Variants in ERBB4 observed in about 807,000 individuals in gnomAD.
The protein encoded by ERBB4 is erb-b2 receptor tyrosine kinase 4.
A neutral mutation model predicts 158.0 loss-of-function variants in ERBB4; 42 were observed. The observed-to-expected ratio is 0.27, with a 90% CI of 0.21 to 0.34. The LOEUF (loss-of-function observed/expected upper bound fraction) is 0.34, where lower values mean the gene tolerates loss of function less well. Among genes scored for constraint, ERBB4 ranks in the 10% least tolerant of loss-of-function variants. ERBB4 has a pLI of 1.00. For missense variants in ERBB4, 1,333 were observed against 1,624.1 expected, an observed-to-expected ratio of 0.82 and a Z score of 3.08; for synonymous variants, 583 against 558.7, an observed-to-expected ratio of 1.04 and a Z score of -0.61.
intron 1 of ERBB4, among the ~76,000 whole-genome samples, chr2:212,352,358 A>C (rs985468887): frequency 1.3e-5 from 2 of 152,168 alleles, no homozygotes; most frequent in African/African-American, 4.8e-5. Context: ...TTAGATTGAA[A>C]AAAACAAAGA....
At chr2:211,762,652 T>C (rs1389884974) in intron 4 of ERBB4, among the ~76,000 whole-genome samples, 8 of 152,184 alleles carry the variant, frequency 5.3e-5, no homozygotes. Flanking sequence ...TGAGGAACTG[T>C]AACCACCCAC....
At chr2:211,846,452 C>G (rs186867188) in intron 3 of ERBB4, among the ~76,000 whole-genome samples, 1 of 152,002 alleles carries the variant, frequency 6.6e-6, no homozygotes, top group Admixed American at 6.6e-5. Flanking sequence ...CTCTGTAAAC[C>G]ATCTGATCCC....
At position 211,517,829 on chromosome 2, in the gene ERBB4, G is replaced by A. The variant is rs191752748; in HGVS notation, c.2487+44074C>T. ...GTAAATAATGACACAAAATAGAGGA[G>A]GTAGATTTTATTTTTGATGTCTCCT... On this transcript the variant is annotated intron_variant, in intron 20 of 27. Transcript: ENST00000342788. Among the ~76,000 whole-genome samples the A allele has an allele frequency of 2.0e-5, 3 of 152,180 alleles. No homozygotes were observed. In the East Asian group the frequency reaches 5.8e-4, roughly 29 times the overall value.
At chr2:211,669,492 GTCTT>G (rs2071758566) in intron 14 of ERBB4, among the ~76,000 whole-genome samples, 1 of 152,016 alleles carries the variant, frequency 6.6e-6, no homozygotes, top group Non-Finnish European at 1.5e-5. Flanking sequence ...TCCCAGGCTT[GTCTT>G]TCTTCTCATA....
At chr2:211,623,040 T>G (rs1311140386) in intron 18 of ERBB4, among the ~76,000 whole-genome samples, 2 of 76,642 alleles carry the variant, frequency 2.6e-5, no homozygotes, top group East Asian at 4.7e-4. Flanking sequence ...TATATATATA[T>G]ATATAAAATG....
At chr2:212,516,041 G>A (rs1445161230) in intron 1 of ERBB4, among the ~76,000 whole-genome samples, 1 of 151,868 alleles carries the variant, frequency 6.6e-6, no homozygotes, top group African/African-American at 2.4e-5. Context: ...AAGAATTTCA[G>A]AAATTAAAAT....
Position 211,471,959 on chromosome 2 carries a change from G to A in ERBB4, c.2488-40859C>T, listed in dbSNP as rs993941896. Among the ~76,000 whole-genome samples, 3 of 152,106 alleles carry A rather than the reference G, an allele frequency of 2.0e-5. No homozygotes were observed. The East Asian group carries it at 5.8e-4, about 29-fold the overall frequency. On this transcript the variant is annotated intron_variant, in intron 20 of 27. Transcript: ENST00000342788. Reference sequence around the variant, plus strand: ...GAATTGAAGACCAGCCTGAGCAACAGAGTGAGACCCTGTCTCTTAAAAAAG... The same window carrying A: ...GAATTGAAGACCAGCCTGAGCAACAAAGTGAGACCCTGTCTCTTAAAAAAG...
intron 19 of ERBB4, among the ~76,000 whole-genome samples, chr2:211,588,548 T>C (rs1023680841): frequency 6.6e-6 from 1 of 152,178 alleles, no homozygotes. Flanking sequence ...CTATTGTAAC[T>C]ACATTTTATA....
At chr2:212,113,100 G>C (rs538270054) in intron 2 of ERBB4, among the ~76,000 whole-genome samples, 1 of 152,224 alleles carries the variant, frequency 6.6e-6, no homozygotes, top group Admixed American at 6.5e-5. Context: ...TGATGGTAAG[G>C]GTGGGGATGA....
chr2:211,856,577 C>G (rs187083637), intron 3 of ERBB4, among the ~76,000 whole-genome samples: 1 of 151,706 alleles, frequency 6.6e-6, no homozygotes, highest in African/African-American at 2.4e-5. Context: ...TCAGTAGAGA[C>G]GGGGTTTCAC....
chr2:212,112,538 A>AG (rs1461257168), intron 2 of ERBB4, among the ~76,000 whole-genome samples: 1 of 152,126 alleles, frequency 6.6e-6, no homozygotes, highest in East Asian at 1.9e-4. Flanking sequence ...GGTAAATAGT[A>AG]GGCAGCAGCA....
chr2:212,121,571 T>G lies in ERBB4; in HGVS notation c.234+3181A>C, dbSNP rs141079266. Among the ~76,000 whole-genome samples, 7 of 152,290 alleles carry G rather than the reference T, an allele frequency of 4.6e-5. No individual in the cohort carries two copies. The East Asian group carries it at 1.4e-3, about 29-fold the overall frequency. ...TCTTTTTAATCTCCATTGACTACCT[T>G]ATCCAATTACAAAATGTTAACTTGT... is the stretch of plus-strand genomic sequence containing the variant. On this transcript the variant is annotated intron_variant, in intron 2 of 27. Coordinates refer to ENST00000342788, the MANE Select transcript of ERBB4 (RefSeq NM_005235.3).
intron 1 of ERBB4, among the ~76,000 whole-genome samples, chr2:212,157,946 A>G (rs2081091279): frequency 2.0e-5 from 3 of 152,144 alleles, no homozygotes; most frequent in Admixed American, 2.0e-4. Flanking sequence ...CACAAATCTG[A>G]TTCTGTCACC....
rs1159913771 is a variant in ERBB4, at chr2:211,991,241, CAAAT to C, written c.235-43629_235-43626del. ...TGAACAAAATATTATAGACAAAAAA[CAAAT>C]AAACAATTAAAATATATAATATTGC... On this transcript the variant is annotated intron_variant, in intron 2 of 27. Coordinates refer to ENST00000342788, the MANE Select transcript of ERBB4 (RefSeq NM_005235.3). 7.2e-5 allele frequency among the ~76,000 whole-genome samples: 11 copies of C among 151,922 alleles called. No homozygotes were observed. The South Asian group carries it at 1.0e-3, about 14-fold the overall frequency.
At chr2:211,940,403 T>A (rs1300845160) in intron 3 of ERBB4, among the ~76,000 whole-genome samples, 1 of 151,962 alleles carries the variant, frequency 6.6e-6, no homozygotes, top group Non-Finnish European at 1.5e-5. Flanking sequence ...AGCAAGGGGG[T>A]TTGTCTCCCT....
At chr2:211,650,208 T>C (rs926842993) in intron 16 of ERBB4, among the ~76,000 whole-genome samples, 3 of 152,058 alleles carry the variant, frequency 2.0e-5, no homozygotes, top group Admixed American at 6.6e-5. Flanking sequence ...CTTTTCTAAA[T>C]ATATGGCAGG....
chr2:211,509,434 C>T (rs1339317791), intron 20 of ERBB4, among the ~76,000 whole-genome samples: 4 of 152,024 alleles, frequency 2.6e-5, no homozygotes, highest in African/African-American at 9.7e-5. Context: ...TCTAAATATA[C>T]AAAACGTAAC....
chr2:212,149,125 C>G (rs528590277), intron 1 of ERBB4, among the ~76,000 whole-genome samples: 1 of 150,046 alleles, frequency 6.7e-6, no homozygotes, highest in East Asian at 2.0e-4. Flanking sequence ...TGTAACTAAC[C>G]TGCACAATGT....
intron 1 of ERBB4, among the ~76,000 whole-genome samples, chr2:212,249,687 C>A (rs1236360209): frequency 4.6e-5 from 7 of 152,036 alleles, no homozygotes; most frequent in African/African-American, 7.2e-5. Context: ...AACTTCACAA[C>A]TTAACAGCTT....
Sources: allele counts gnomAD v4.1 joint callset (sites outside exome capture counted in the v4.1 genomes callset), GRCh38; gene constraint gnomAD v4.1.1; transcripts MANE v1.5; gene names NCBI Gene and HGNC (gene_info 2026-07-23, HGNC 2026-07-21).